The following GOLM2 variants were observed in gnomAD, a reference collection of about 807,000 sequenced individuals.
GOLM2 encodes the protein golgi membrane protein 2, also known as protein GOLM2.
Under a neutral mutation model 55.9 loss-of-function variants are expected in GOLM2, and 26 were observed. That is an observed-to-expected ratio of 0.47 (90% CI 0.34 to 0.65). GOLM2 has a LOEUF of 0.65. Among genes scored for constraint, GOLM2 ranks in the 30% least tolerant of loss-of-function variants. The pLI is 0.01. For synonymous variants in GOLM2, 165 were observed against 194.6 expected (o/e 0.85, Z 1.27); for missense variants, 486 against 531.8 (o/e 0.91, Z 0.85).
At chr15:44,397,302 A>G (rs914899683) in intron 8 of GOLM2, among the ~76,000 whole-genome samples, 2 of 151,786 alleles carry the variant, frequency 1.3e-5, no homozygotes, top group Non-Finnish European at 2.9e-5. Flanking sequence ...ACACGGTGAA[A>G]CCCCATCTCT....
At chr15:44,355,008 T>C (rs1226825265) in intron 6 of GOLM2, 1 of 154,120 alleles carries the variant, frequency 6.5e-6, no homozygotes, top group African/African-American at 2.4e-5. Flanking sequence ...CACTATCTTG[T>C]ATATGGCTGG....
chr15:44,349,996 A>G (rs2079151113), intron 6 of GOLM2, among the ~76,000 whole-genome samples: 1 of 152,230 alleles, frequency 6.6e-6, no homozygotes, highest in African/African-American at 2.4e-5. Context: ...CGAAAGCAGA[A>G]CTAAGAGGGA....
intron 6 of GOLM2, among the ~76,000 whole-genome samples, chr15:44,375,880 T>C (rs1373004028): frequency 6.6e-6 from 1 of 152,196 alleles, no homozygotes; most frequent in Admixed American, 6.5e-5. Flanking sequence ...GTTATATCCA[T>C]AAAAGTGTAA....
At chr15:44,376,428 C>G (rs1217062175) in intron 6 of GOLM2, among the ~76,000 whole-genome samples, 1 of 152,042 alleles carries the variant, frequency 6.6e-6, no homozygotes, top group East Asian at 1.9e-4. Flanking sequence ...CCCCACCCAG[C>G]TAATTGTATT....
chr15:44,323,114 A>G (rs1292972700), intron 2 of GOLM2, 95 bp downstream of exon 2: 2 of 801,298 alleles, frequency 2.5e-6, no homozygotes, highest in African/African-American at 1.8e-5. Context: ...CTAGTGAAAT[A>G]CAATTTTCTG....
intron 6 of GOLM2, among the ~76,000 whole-genome samples, chr15:44,353,436 T>C (rs906409037): frequency 1.3e-5 from 2 of 152,194 alleles, no homozygotes; most frequent in African/African-American, 2.4e-5. Context: ...CAGAAAAATA[T>C]ATATATAGAA....
At chr15:44,337,498 T>G (rs560347571) in intron 4 of GOLM2, among the ~76,000 whole-genome samples, 4 of 152,130 alleles carry the variant, frequency 2.6e-5, no homozygotes, top group Non-Finnish European at 5.9e-5. Flanking sequence ...ATCACACACC[T>G]CAGCATAGCC....
In GOLM2 at chr15:44,379,792, T is replaced by A; in HGVS notation, c.901+4T>A. 1 of 1,552,968 alleles carries A rather than the reference T, an allele frequency of 6.4e-7. No homozygotes were observed. Among genetic ancestry groups the A allele is most frequent in the Non-Finnish European group, 8.9e-7 (1 of 1,124,802 alleles). On this transcript the variant is annotated splice_donor_region_variant and intron_variant, in intron 7 of 9. Transcript: ENST00000299957. ...CTCTCCCCAAATATGCCTCCAGGTA[T>A]GAAGGCTTATGCTTATAATTCCATT...
intron 8 of GOLM2, among the ~76,000 whole-genome samples, chr15:44,384,008 A>G (rs1041957476): frequency 1.3e-4 from 19 of 151,978 alleles, no homozygotes; most frequent in Admixed American, 5.2e-4. Flanking sequence ...GATAATTCAG[A>G]TTTATCACAG....
intron 9 of GOLM2, among the ~76,000 whole-genome samples, chr15:44,412,509 C>T (rs755270025): frequency 6.6e-6 from 1 of 151,736 alleles, no homozygotes. Context: ...TTTGCAGAGA[C>T]GTAAAGAAAT....
intron 6 of GOLM2, among the ~76,000 whole-genome samples, chr15:44,345,638 G>C (rs1271486243): frequency 6.6e-6 from 1 of 152,056 alleles, no homozygotes; most frequent in Non-Finnish European, 1.5e-5. Flanking sequence ...AAACAAAGAG[G>C]AAAATCGTAT....
At chr15:44,385,342 TCCTCCCTC>T (rs1294309698) in intron 8 of GOLM2, among the ~76,000 whole-genome samples, 1 of 107,522 alleles carries the variant, frequency 9.3e-6, no homozygotes, top group African/African-American at 3.6e-5. Context: ...CTCCCTCCCT[TCCTCCCTC>T]CCTCCCTCCC....
At chr15:44,377,412 C>A (rs941681507) in intron 6 of GOLM2, among the ~76,000 whole-genome samples, 3 of 152,076 alleles carry the variant, frequency 2.0e-5, no homozygotes, top group Non-Finnish European at 4.4e-5. Context: ...ACTCTGCAAC[C>A]CAGGCTGGAG....
intron 6 of GOLM2, among the ~76,000 whole-genome samples, chr15:44,356,178 A>T (rs1484291966): frequency 6.6e-6 from 1 of 152,172 alleles, no homozygotes. Context: ...GAAATTGAAA[A>T]AAAAAAGGCA....
chr15:44,376,188 C>T (rs948124127), intron 6 of GOLM2, among the ~76,000 whole-genome samples: 5 of 152,262 alleles, frequency 3.3e-5, no homozygotes, highest in East Asian at 3.9e-4. Context: ...GAGCCGAGAT[C>T]GCGCCATTGC....
At chr15:44,408,513 G>A (rs1348784546) in intron 9 of GOLM2, among the ~76,000 whole-genome samples, 1 of 152,128 alleles carries the variant, frequency 6.6e-6, no homozygotes, top group Non-Finnish European at 1.5e-5. Context: ...ATATTATTTT[G>A]AGGTAGGAAA....
At chr15:44,368,168 C>T (rs950690917) in intron 6 of GOLM2, among the ~76,000 whole-genome samples, 7 of 151,822 alleles carry the variant, frequency 4.6e-5, no homozygotes, top group Admixed American at 2.0e-4. Flanking sequence ...GATGGAGTCT[C>T]GCTTTGTCAC....
chr15:44,362,273 A>C (rs1353012641), intron 6 of GOLM2, among the ~76,000 whole-genome samples: 2 of 152,166 alleles, frequency 1.3e-5, no homozygotes, highest in Non-Finnish European at 2.9e-5. Flanking sequence ...TGCAGACAAC[A>C]TGATTGTATA....
chr15:44,363,072 C>T (rs1440606235), intron 6 of GOLM2, among the ~76,000 whole-genome samples: 1 of 152,102 alleles, frequency 6.6e-6, no homozygotes, highest in East Asian at 1.9e-4. Context: ...AAACGTTAGA[C>T]CTAAAACCAT....
Sources: gnomAD v4.1 joint callset for allele counts (sites outside exome capture counted in the v4.1 genomes callset) on GRCh38, gnomAD v4.1.1 for gene constraint, MANE v1.5 for transcripts, NCBI Gene and HGNC (gene_info 2026-07-23, HGNC 2026-07-21) for gene names.